Variants in ADGRB3 observed in about 807,000 individuals in gnomAD.
ADGRB3 encodes brain-specific angiogenesis inhibitor 3.
Under a neutral mutation model 193.4 loss-of-function variants are expected in ADGRB3, and 37 were observed. The ratio of observed to expected loss-of-function variants is 0.19; its 90% CI spans 0.15 to 0.25. The LOEUF (loss-of-function observed/expected upper bound fraction) is 0.25. Ranked by LOEUF, ADGRB3 falls within the 10% of genes least tolerant of loss-of-function variation. The pLI, the probability that ADGRB3 is intolerant of heterozygous loss-of-function variation, is 1.00. For missense variants in ADGRB3, 1,637 were observed against 1,852.9 expected, an observed-to-expected ratio of 0.88 and a Z score of 2.14; for synonymous variants, 690 against 644.2, an observed-to-expected ratio of 1.07 and a Z score of -1.08.
chr6:69,345,380 G>C (rs1179251286), intron 26 of ADGRB3, among the ~76,000 whole-genome samples: 4 of 152,096 alleles, frequency 2.6e-5, no homozygotes, highest in Admixed American at 1.3e-4. Flanking sequence ...GAATCCAACA[G>C]CACATCAAAA....
intron 3 of ADGRB3, among the ~76,000 whole-genome samples, chr6:68,765,418 T>C (rs1562020329): frequency 6.6e-6 from 1 of 152,110 alleles, no homozygotes; most frequent in South Asian, 2.1e-4. Flanking sequence ...AGACATTTTA[T>C]CCGCCTATTA....
chr6:68,825,740 A>T (rs913917246), intron 3 of ADGRB3, among the ~76,000 whole-genome samples: 1 of 152,142 alleles, frequency 6.6e-6, no homozygotes, highest in African/African-American at 2.4e-5. Context: ...TTTCCCCTTC[A>T]CTGGGCACTT....
In ADGRB3 at chr6:68,956,735, G is replaced by A. The variant is rs150114074; in HGVS notation, c.1451G>A (p.Gly484Asp). The A allele has an allele frequency of 2.5e-6, 4 of 1,613,940 alleles. No homozygotes were observed. The highest frequency in any genetic ancestry group is 1.3e-5 in the African/African-American group (1 of 74,902). The change falls in exon 8 of 32, where the codon GGT (glycine) becomes GAT (aspartate). Residue 484 changes from glycine (G) to aspartate (D), a missense_variant. By Grantham distance (94) the Gly-to-Asp change is moderately conservative. Coordinates refer to ENST00000370598, the MANE Select transcript of ADGRB3 (RefSeq NM_001704.3). ...GAAAGGCGAATAAGGACCTGTCAGG[G>A]TGCAGTGATAACAGGGCAGCAATGT... is the stretch of plus-strand genomic sequence containing the variant. ...GWERRIRTCQ[G>D]AVITGQQCEG...
intron 20 of ADGRB3, among the ~76,000 whole-genome samples, chr6:69,251,369 T>TA (rs933523462): frequency 1.7e-4 from 25 of 151,274 alleles, no homozygotes; most frequent in African/African-American, 6.0e-4. Context: ...AGGAACCCAT[T>TA]TTTTTTTTAC....
chr6:68,839,115 C>T (rs1768101596), intron 3 of ADGRB3, among the ~76,000 whole-genome samples: 1 of 146,856 alleles, frequency 6.8e-6, no homozygotes, highest in African/African-American at 2.6e-5. Context: ...CACACATTCC[C>T]ACATACACAC....
chr6:69,060,806 CT>C (rs1771725869), intron 15 of ADGRB3, among the ~76,000 whole-genome samples: 1 of 151,992 alleles, frequency 6.6e-6, no homozygotes, highest in Non-Finnish European at 1.5e-5. Context: ...CATAATTTCT[CT>C]GGTAATGACA....
chr6:68,811,768 C>T (rs897741687), intron 3 of ADGRB3, among the ~76,000 whole-genome samples: 1 of 151,966 alleles, frequency 6.6e-6, no homozygotes, highest in African/African-American at 2.4e-5. Context: ...CCGTGACCAG[C>T]CGAGGTGGAT....
chr6:69,257,303 A>G lies in ADGRB3; in HGVS notation c.2814+18077A>G, dbSNP rs888664475. Among the ~76,000 whole-genome samples the G allele has an allele frequency of 4.6e-5, 7 of 152,218 alleles. No individual in the cohort carries two copies. In the South Asian group the frequency reaches 6.2e-4, roughly 14 times the overall value. ...GTACCAGTTCCTCCTTGTACCTCTG[A>G]TAGAATTCGGCTGTGAATCCATCTG... On this transcript the variant is annotated intron_variant, in intron 20 of 31. Coordinates refer to ENST00000370598, the MANE Select transcript of ADGRB3 (RefSeq NM_001704.3).
At chr6:68,966,293 A>G (rs951733597) in intron 8 of ADGRB3, among the ~76,000 whole-genome samples, 1 of 151,868 alleles carries the variant, frequency 6.6e-6, no homozygotes, top group Non-Finnish European at 1.5e-5. Context: ...CCCTGTCTTC[A>G]GCTCTCTTTC....
At chr6:68,903,842 T>TA (rs1468235575) in intron 3 of ADGRB3, among the ~76,000 whole-genome samples, 2 of 151,108 alleles carry the variant, frequency 1.3e-5, no homozygotes, top group Non-Finnish European at 3.0e-5. Flanking sequence ...CCCTGTCTAT[T>TA]AAAAAAATAG....
intron 3 of ADGRB3, among the ~76,000 whole-genome samples, chr6:68,887,178 G>C (rs1582285669): frequency 6.6e-6 from 1 of 151,772 alleles, no homozygotes. Flanking sequence ...GCAGCTTTAA[G>C]ATTTAAAAAT....
intron 17 of ADGRB3, among the ~76,000 whole-genome samples, chr6:69,211,095 C>G (rs977830328): frequency 2.0e-5 from 3 of 152,106 alleles, no homozygotes; most frequent in African/African-American, 7.2e-5. Context: ...GCACTCCAGC[C>G]TGGGCGAGAG....
At chr6:68,985,916 G>A (rs573389762) in intron 10 of ADGRB3, among the ~76,000 whole-genome samples, 30 of 152,192 alleles carry the variant, frequency 2.0e-4, no homozygotes, top group African/African-American at 6.5e-4. Flanking sequence ...CCAGTCTGTG[G>A]CCACTATACT....
intron 10 of ADGRB3, among the ~76,000 whole-genome samples, chr6:68,990,437 G>A (rs887362117): frequency 1.3e-5 from 2 of 152,116 alleles, no homozygotes; most frequent in African/African-American, 4.8e-5. Context: ...ATGCTAATCA[G>A]TGCCAATTGT....
At chr6:68,864,902 T>G (rs1308432669) in intron 3 of ADGRB3, among the ~76,000 whole-genome samples, 2 of 152,138 alleles carry the variant, frequency 1.3e-5, no homozygotes, top group Admixed American at 1.3e-4. Context: ...AGATTGTTGA[T>G]TACAGCAGGG....
At chr6:69,000,505 G>A (rs73467716) in intron 11 of ADGRB3, among the ~76,000 whole-genome samples, 9,690 of 142,892 alleles carry the variant, frequency 0.068, 949 homozygotes, top group African/African-American at 0.23. Context: ...TCTATGTAAG[G>A]TATAGGATAA....
chr6:69,020,309 G>A (rs3823067), intron 13 of ADGRB3, among the ~76,000 whole-genome samples: 64,465 of 151,702 alleles, frequency 0.42, 14,372 homozygotes, highest in African/African-American at 0.47. Context: ...AACTTAAATT[G>A]GATTTAAACT....
intron 3 of ADGRB3, among the ~76,000 whole-genome samples, chr6:68,733,518 T>C (rs1206397030): frequency 6.6e-6 from 1 of 151,778 alleles, no homozygotes; most frequent in Non-Finnish European, 1.5e-5. Context: ...ATTGAAAACC[T>C]ACCTTTTGAG....
intron 13 of ADGRB3, among the ~76,000 whole-genome samples, chr6:69,024,359 G>A (rs1770361775): frequency 1.3e-5 from 2 of 152,144 alleles, no homozygotes; most frequent in Admixed American, 1.3e-4. Flanking sequence ...TCTGTAACAT[G>A]AAAATTCTCA....
Sources: allele counts gnomAD v4.1 joint callset (sites outside exome capture counted in the v4.1 genomes callset), GRCh38; gene constraint gnomAD v4.1.1; transcripts MANE v1.5; gene names NCBI Gene and HGNC (gene_info 2026-07-23, HGNC 2026-07-21).